The following PHF14 variants were observed in gnomAD, a reference collection of about 807,000 sequenced individuals.
The protein encoded by PHF14 is PHD finger protein 14.
Under a neutral mutation model 117.9 loss-of-function variants are expected in PHF14, and 55 were observed. The observed-to-expected ratio is 0.47, with a 90% CI of 0.38 to 0.58. PHF14 has a LOEUF of 0.58. PHF14 is among the 20% of genes least tolerant of loss of function. PHF14 has a pLI of 0.00. For missense variants in PHF14, 978 were observed against 1,122.2 expected, an observed-to-expected ratio of 0.87 and a Z score of 1.84; for synonymous variants, 409 against 368.6, an observed-to-expected ratio of 1.11 and a Z score of -1.26.
chr7:11,113,012 C>G (rs897402490), intron 17 of PHF14, among the ~76,000 whole-genome samples: 12 of 151,918 alleles, frequency 7.9e-5, no homozygotes, highest in African/African-American at 2.9e-4. Flanking sequence ...TAATGAAACA[C>G]TATGGAGTTT....
chr7:11,129,795 A>T (rs1381800163), intron 17 of PHF14, among the ~76,000 whole-genome samples: 1 of 152,010 alleles, frequency 6.6e-6, no homozygotes, highest in African/African-American at 2.4e-5. Context: ...TAGATAAAGC[A>T]TGTATGCATT....
intron 16 of PHF14, among the ~76,000 whole-genome samples, chr7:11,095,312 G>A (rs1786805557): frequency 6.6e-6 from 1 of 152,178 alleles, no homozygotes. Context: ...TTTTCTCAAG[G>A]TGTCAGGCTG....
chr7:11,052,945 G>C (rs913321598), intron 14 of PHF14, among the ~76,000 whole-genome samples: 1 of 152,076 alleles, frequency 6.6e-6, no homozygotes, highest in African/African-American at 2.4e-5. Flanking sequence ...AGTTTGGTGT[G>C]TATGTTTTCT....
chr7:11,019,580 TATA>T (rs1430809932), intron 5 of PHF14, among the ~76,000 whole-genome samples: 1 of 152,168 alleles, frequency 6.6e-6, no homozygotes, highest in Non-Finnish European at 1.5e-5. Context: ...CAATATCAGT[TATA>T]ATGTCTCCTT....
intron 5 of PHF14, among the ~76,000 whole-genome samples, chr7:11,020,375 C>T (rs754158302): frequency 6.6e-6 from 1 of 152,062 alleles, no homozygotes; most frequent in Middle Eastern, 3.4e-3. Context: ...CTGTACCTGG[C>T]CAATTTTTTC....
chr7:11,135,234 A>G (rs1583492487), intron 17 of PHF14, among the ~76,000 whole-genome samples: 2 of 152,236 alleles, frequency 1.3e-5, no homozygotes, highest in East Asian at 3.9e-4. Context: ...AAATGGAGAC[A>G]ATAAAAATAC....
At chr7:10,980,408 TA>T (rs1474867615) in intron 2 of PHF14, among the ~76,000 whole-genome samples, 7 of 152,208 alleles carry the variant, frequency 4.6e-5, no homozygotes, top group African/African-American at 1.7e-4. Flanking sequence ...CAACTCTGGT[TA>T]TTATTTATTA....
intron 16 of PHF14, 190 bp downstream of exon 16, chr7:11,062,275 A>C (rs1785252435): frequency 2.4e-6 from 1 of 412,610 alleles, no homozygotes; most frequent in Non-Finnish European, 4.2e-6. Context: ...CTGGATTTAA[A>C]TGTAAATAAG....
In PHF14 at chr7:11,037,022, G is replaced by A; in HGVS notation, c.1911G>A (p.Met637Ile). ...NMRMIQIQEN[M>I]AEQKNIKDKL... Reference sequence around the variant, plus strand: ...GCATGATTCAAATTCAGGAAAATATGGCTGAACAAAAGAATATAAAAGATA... The same window carrying A: ...GCATGATTCAAATTCAGGAAAATATAGCTGAACAAAAGAATATAAAAGATA... The change falls in exon 10 of 18, where the codon ATG (methionine) becomes ATA (isoleucine). Residue 637 changes from methionine (M) to isoleucine (I), a missense_variant. By Grantham distance (10) the Met-to-Ile change is conservative. Transcript: ENST00000634607. 1.3e-6 allele frequency: 2 copies of A among 1,516,306 alleles called. No homozygotes were observed. The highest frequency in any genetic ancestry group is 9.0e-7 in the Non-Finnish European group (1 of 1,107,932). 93.9% of individuals were successfully genotyped at this position (1,516,306 alleles called of 1,614,324 possible).
chr7:11,105,717 C>T, intron 16 of PHF14: 1 of 984,714 alleles, frequency 1.0e-6, no homozygotes, highest in Non-Finnish European at 1.2e-6. Context: ...AAGTGGAAGC[C>T]TCTTTCCCAT....
At chr7:11,045,077 G>T (rs1404870610) in intron 13 of PHF14, among the ~76,000 whole-genome samples, 1 of 152,096 alleles carries the variant, frequency 6.6e-6, no homozygotes, top group African/African-American at 2.4e-5. Flanking sequence ...CCTACATTCT[G>T]TGATGCCATG....
At chr7:11,148,253 C>T (rs1435684581) in intron 17 of PHF14, among the ~76,000 whole-genome samples, 1 of 152,184 alleles carries the variant, frequency 6.6e-6, no homozygotes, top group African/African-American at 2.4e-5. Context: ...AATTCTTAAA[C>T]CCTCCAGTGG....
intron 16 of PHF14, among the ~76,000 whole-genome samples, chr7:11,070,096 T>C (rs1232564717): frequency 6.6e-6 from 1 of 152,194 alleles, no homozygotes; most frequent in Non-Finnish European, 1.5e-5. Context: ...TCTTGTGTCA[T>C]TTTTGGTAAG....
In PHF14 at chr7:11,013,911, A is replaced by G. The variant is rs1204385058; in HGVS notation, c.1205+5A>G. 5.7e-6 allele frequency: 9 copies of G among 1,590,670 alleles called. No individual in the cohort carries two copies. Among genetic ancestry groups the G allele is most frequent in the Non-Finnish European group, 7.7e-6 (9 of 1,162,096 alleles). On this transcript the variant is annotated splice_donor_5th_base_variant and intron_variant, in intron 5 of 17. Transcript: ENST00000634607. ...CAAGGAGACAGATGCTGGAAGGTTAATGTCCTAATTATGTTGGTTCATATG... is the reference window on the plus strand; with the variant it reads ...CAAGGAGACAGATGCTGGAAGGTTAGTGTCCTAATTATGTTGGTTCATATG...
chr7:11,024,829 C>T (rs948370518), intron 6 of PHF14, among the ~76,000 whole-genome samples: 1 of 152,210 alleles, frequency 6.6e-6, no homozygotes. Flanking sequence ...TGCCTGCTGT[C>T]ACAACAGCCA....
At chr7:11,004,983 C>A (rs111960690) in intron 4 of PHF14, among the ~76,000 whole-genome samples, 20 of 151,974 alleles carry the variant, frequency 1.3e-4, no homozygotes, top group African/African-American at 4.6e-4. Flanking sequence ...TGTCACTGCA[C>A]TCCAGCCTGG....
chr7:11,030,922 G>C (rs944900696), intron 7 of PHF14, among the ~76,000 whole-genome samples: 22 of 152,126 alleles, frequency 1.4e-4, no homozygotes, highest in African/African-American at 5.3e-4. Flanking sequence ...CCAGAATATT[G>C]CATGAATCAA....
chr7:11,103,925 A>G (rs771948469), intron 16 of PHF14: 37 of 982,374 alleles, frequency 3.8e-5, no homozygotes, highest in Non-Finnish European at 4.5e-5. Context: ...ACTTTTGTTT[A>G]AAAGAATAAG....
In PHF14 at chr7:11,063,268, G is replaced by T. The variant is rs1309577977; in HGVS notation, c.2654+1183G>T. On this transcript the variant is annotated intron_variant, in intron 16 of 17. Coordinates refer to ENST00000634607, the MANE Select transcript of PHF14 (RefSeq NM_001007157.2). Reference sequence around the variant, plus strand: ...TGTTGGGAGCTATCCTGAAGGTTAAGTTTATTAAAATTTAGGGTAAAGTAG... The same window carrying T: ...TGTTGGGAGCTATCCTGAAGGTTAATTTTATTAAAATTTAGGGTAAAGTAG... 1.6e-5 allele frequency: 16 copies of T among 984,708 alleles called. No homozygotes were observed. The African/African-American group carries it at 2.8e-4, about 17-fold the overall frequency. 61.0% of individuals were successfully genotyped at this position (984,708 alleles called of 1,614,324 possible). A position where few individuals can be genotyped will look rare whatever the true frequency, so the allele number is the denominator to read the frequency against.
Sources: allele counts gnomAD v4.1 joint callset (sites outside exome capture counted in the v4.1 genomes callset), GRCh38; gene constraint gnomAD v4.1.1; transcripts MANE v1.5; gene names NCBI Gene and HGNC (gene_info 2026-07-23, HGNC 2026-07-21).